SMG6: variants seen among roughly 807,000 people sequenced by gnomAD.
SMG6 encodes SMG6 nonsense mediated mRNA decay factor.
Under a neutral mutation model 142.2 loss-of-function variants are expected in SMG6, and 66 were observed. That is an observed-to-expected ratio of 0.46 (90% CI 0.38 to 0.57). The LOEUF (loss-of-function observed/expected upper bound fraction) is 0.57. Among genes scored for constraint, SMG6 ranks in the 20% least tolerant of loss-of-function variants. The pLI, the probability that SMG6 is intolerant of heterozygous loss-of-function variation, is 0.00. For missense variants in SMG6, 1,793 were observed against 1,832.0 expected, an observed-to-expected ratio of 0.98 and a Z score of 0.39; for synonymous variants, 779 against 702.4, an observed-to-expected ratio of 1.11 and a Z score of -1.72.
chr17:2,084,976 A>G (rs940865064), intron 14 of SMG6, among the ~76,000 whole-genome samples: 3 of 152,186 alleles, frequency 2.0e-5, no homozygotes, highest in Non-Finnish European at 4.4e-5. Context: ...GTGTTTACTT[A>G]AACTGACACA....
chr17:2,147,307 C>G (rs1447356807), intron 13 of SMG6, among the ~76,000 whole-genome samples: 3 of 152,096 alleles, frequency 2.0e-5, no homozygotes, highest in Non-Finnish European at 4.4e-5. Context: ...GCAGGAGAAT[C>G]ACTTGAACCT....
rs2073890206 is a variant in SMG6 at position 2,244,696 on chromosome 17, A to G, written c.2685T>C (p.Ser895=). Residue 895 remains serine (S), a synonymous_variant, in exon 9 of 19, where the codon AGT becomes AGC. Transcript: ENST00000263073. ...ACAGCTTCCCATGGGCATGGAGAAA[A>G]CTGAGGATGAACCTTTTGTTCAGCT... is the stretch of plus-strand genomic sequence containing the variant. ...PSDLNKRFIL[S]FLHAHGKLFT... 1 of 1,614,090 alleles carries G rather than the reference A, an allele frequency of 6.2e-7. No homozygotes were observed. The highest frequency in any genetic ancestry group is 1.7e-5 in the Admixed American group (1 of 60,034).
chr17:2,094,090 C>T (rs1003809558), intron 13 of SMG6, among the ~76,000 whole-genome samples: 6 of 152,118 alleles, frequency 3.9e-5, no homozygotes, highest in African/African-American at 1.4e-4. Context: ...TCCAAGGTCC[C>T]GGGCTTCGGA....
intron 13 of SMG6, chr17:2,101,055 C>G (rs1414054476): frequency 3.9e-5 from 6 of 152,132 alleles, no homozygotes. Context: ...TTACTAGACT[C>G]TTCAAAATGC....
At chr17:2,244,321 A>T in intron 9 of SMG6, among the ~76,000 whole-genome samples, 1 of 152,038 alleles carries the variant, frequency 6.6e-6, no homozygotes, top group East Asian at 1.9e-4. Flanking sequence ...CCAGGGATTT[A>T]GCACAACTGC....
In SMG6 at chr17:2,130,266, C is replaced by CAAAAAAAAAAAAAAAAAAAA. The variant is rs903007543; in HGVS notation, c.3357+42391_3357+42392insTTTTTTTTTTTTTTTTTTTT. 1.5e-3 allele frequency among the ~76,000 whole-genome samples: 58 copies of CAAAAAAAAAAAAAAAAAAAA among 39,488 alleles called. 3 individuals are homozygous for CAAAAAAAAAAAAAAAAAAAA. Among genetic ancestry groups the CAAAAAAAAAAAAAAAAAAAA allele is most frequent in the African/African-American group, 6.1e-3 (39 of 6,378 alleles). 25.9% of individuals were successfully genotyped at this position (39,488 alleles called of 152,430 possible). On this transcript the variant is annotated intron_variant, in intron 13 of 18. Coordinates refer to ENST00000263073, the MANE Select transcript of SMG6 (RefSeq NM_017575.5). ...TGGGCGACAGAGCGAGACTCCGTCT[C>CAAAAAAAAAAAAAAAAAAAA]AAAAAAAAAAAAAAAAAAGAAACAG...
chr17:2,095,136 G>A (rs1158563515), intron 13 of SMG6: 4 of 152,258 alleles, frequency 2.6e-5, no homozygotes, highest in Non-Finnish European at 2.9e-5. Flanking sequence ...GAACACAGGC[G>A]CTGGGGCCCT....
At chr17:2,260,674 G>A (rs1302807426) in intron 8 of SMG6, among the ~76,000 whole-genome samples, 2 of 152,072 alleles carry the variant, frequency 1.3e-5, no homozygotes, top group African/African-American at 2.4e-5. Context: ...ATCATTAAAC[G>A]TATAGAAAAA....
intron 10 of SMG6, among the ~76,000 whole-genome samples, chr17:2,195,896 G>A (rs561926541): frequency 6.6e-6 from 1 of 152,114 alleles, no homozygotes; most frequent in East Asian, 1.9e-4. Flanking sequence ...ACACGCCCGT[G>A]ACTCAAGTGT....
At chr17:2,223,233 A>G (rs969716420) in intron 10 of SMG6, among the ~76,000 whole-genome samples, 1 of 152,254 alleles carries the variant, frequency 6.6e-6, no homozygotes, top group African/African-American at 2.4e-5. Flanking sequence ...AAGTGTGAAC[A>G]GCACGTGTCC....
intron 10 of SMG6, among the ~76,000 whole-genome samples, chr17:2,210,967 C>T (rs1057302658): frequency 6.6e-6 from 1 of 151,870 alleles, no homozygotes; most frequent in African/African-American, 2.4e-5. Context: ...CTTTCAAGAG[C>T]ATTCCCAAGG....
chr17:2,116,726 C>T (rs780812294), intron 13 of SMG6, among the ~76,000 whole-genome samples: 3 of 151,788 alleles, frequency 2.0e-5, no homozygotes, highest in African/African-American at 7.3e-5. Context: ...CCAGCCTGGG[C>T]GGCAGAGCGA....
At chr17:2,158,527 C>T (rs985439088) in intron 13 of SMG6, among the ~76,000 whole-genome samples, 10 of 152,080 alleles carry the variant, frequency 6.6e-5, no homozygotes, top group Admixed American at 3.3e-4. Flanking sequence ...AAATAGCCCA[C>T]GAAAACATCA....
At chr17:2,283,479 C>T (rs1172881990) in intron 7 of SMG6, 146 bp downstream of exon 7, 30 of 669,098 alleles carry the variant, frequency 4.5e-5, no homozygotes, top group Middle Eastern at 4.1e-4. Flanking sequence ...AGTCATTCCC[C>T]GAGGACACAC....
At chr17:2,292,450 A>T (rs769661228) in intron 6 of SMG6, 102 bp downstream of exon 6, 98 of 1,139,804 alleles carry the variant, frequency 8.6e-5, no homozygotes, top group Middle Eastern at 6.0e-4. Flanking sequence ...TTTGGGCTAC[A>T]GTGATGAGAT....
At chr17:2,206,997 C>G (rs1397989155) in intron 10 of SMG6, among the ~76,000 whole-genome samples, 1 of 150,770 alleles carries the variant, frequency 6.6e-6, no homozygotes, top group Admixed American at 6.6e-5. Context: ...ATAGGTCAGG[C>G]ACGGTGGCTC....
At chr17:2,066,916 C>G (rs1239733675) in intron 16 of SMG6, among the ~76,000 whole-genome samples, 1 of 152,224 alleles carries the variant, frequency 6.6e-6, no homozygotes, top group African/African-American at 2.4e-5. Context: ...ACGCTGGGGT[C>G]AGGTCTGCGG....
chr17:2,068,822 C>T lies in SMG6; in HGVS notation c.3791G>A (p.Arg1264Gln), dbSNP rs2232483. ...GFIDHLASLA[R>Q]LLESRKYILV... ...GATGTACTTCCTGCTCTCCAGCAGC[C>T]GCGCCAGACTGGCCAGGTGGTCAAT... Residue 1264 changes from arginine (R) to glutamine (Q), a missense_variant, in exon 16 of 19, where the codon CGG becomes CAG. Physicochemically the swap from Arg to Gln is conservative, Grantham distance 43. Coordinates refer to ENST00000263073, the MANE Select transcript of SMG6 (RefSeq NM_017575.5). This position sits in a 1 kb window ranked among gnomAD's most constrained non-coding sequence, Gnocchi z 6.7. 848 of 1,614,206 alleles carry T rather than the reference C, an allele frequency of 5.3e-4. 4 individuals are homozygous for T. The African/African-American group carries it at 9.4e-3, about 18-fold the overall frequency.
chr17:2,132,526 T>G (rs188373392), intron 13 of SMG6, among the ~76,000 whole-genome samples: 193 of 151,952 alleles, frequency 1.3e-3, no homozygotes, highest in African/African-American at 4.4e-3. Flanking sequence ...CCAGAGGGAG[T>G]GGGAGTGAAG....
Sources: gnomAD v4.1 joint callset for allele counts (sites outside exome capture counted in the v4.1 genomes callset) on GRCh38, gnomAD v4.1.1 for gene constraint, Gnocchi (gnomAD v3.1) non-coding constraint, MANE v1.5 for transcripts, NCBI Gene and HGNC (gene_info 2026-07-23, HGNC 2026-07-21) for gene names.